Variants in BTBD9 observed in about 807,000 individuals in gnomAD.
BTBD9 encodes the protein BTB/POZ domain-containing protein 9.
In BTBD9, 49 loss-of-function variants were observed where a neutral mutation model predicts 64.3. That is an observed-to-expected ratio of 0.76 (90% CI 0.61 to 0.97). The LOEUF is 0.97. BTBD9 is among the 50% of genes least tolerant of loss of function. The pLI is 0.00. For synonymous variants in BTBD9, 260 were observed against 274.7 expected (o/e 0.95, Z 0.53); for missense variants, 598 against 762.1 (o/e 0.78, Z 2.53).
intron 4 of BTBD9, among the ~76,000 whole-genome samples, chr6:38,589,196 C>T (rs972858645): frequency 6.6e-6 from 1 of 152,118 alleles, no homozygotes; most frequent in African/African-American, 2.4e-5. Context: ...TGTGTCATTC[C>T]AGAACTGAGT....
chr6:38,443,038 C>G (rs569161791), intron 6 of BTBD9, among the ~76,000 whole-genome samples: 1 of 152,270 alleles, frequency 6.6e-6, no homozygotes, highest in Non-Finnish European at 1.5e-5. Flanking sequence ...TCAAGCTAGA[C>G]AGAATCATCT....
At chr6:38,235,501 G>C (rs1393384977) in intron 9 of BTBD9, among the ~76,000 whole-genome samples, 1 of 152,106 alleles carries the variant, frequency 6.6e-6, no homozygotes, top group Non-Finnish European at 1.5e-5. Context: ...ACTCCATCTG[G>C]CTCCCAGTAC....
At chr6:38,409,392 G>C (rs1767310046) in intron 6 of BTBD9, among the ~76,000 whole-genome samples, 1 of 152,180 alleles carries the variant, frequency 6.6e-6, no homozygotes, top group African/African-American at 2.4e-5. Flanking sequence ...TTTGAAATGG[G>C]AGAAAAGATG....
At chr6:38,603,224 T>C (rs1393689878) in intron 1 of BTBD9, among the ~76,000 whole-genome samples, 2 of 152,182 alleles carry the variant, frequency 1.3e-5, no homozygotes, top group East Asian at 3.8e-4. Flanking sequence ...CCATACACAA[T>C]TATTAGTTTT....
At chr6:38,636,630 T>G (rs1044953548) in intron 1 of BTBD9, among the ~76,000 whole-genome samples, 1 of 152,146 alleles carries the variant, frequency 6.6e-6, no homozygotes, top group Non-Finnish European at 1.5e-5. Context: ...TTGTCCAACA[T>G]TTCTCACCTA....
At chr6:38,557,944 A>G (rs1233191344) in intron 6 of BTBD9, among the ~76,000 whole-genome samples, 2 of 152,184 alleles carry the variant, frequency 1.3e-5, no homozygotes, top group Non-Finnish European at 2.9e-5. Flanking sequence ...TGAAATGAAG[A>G]TAATAAATAA....
intron 9 of BTBD9, among the ~76,000 whole-genome samples, chr6:38,202,629 T>C (rs983903211): frequency 6.6e-6 from 1 of 152,116 alleles, no homozygotes; most frequent in Non-Finnish European, 1.5e-5. Context: ...AGCCAACTGA[T>C]ACTCAACAAA....
intron 6 of BTBD9, among the ~76,000 whole-genome samples, chr6:38,488,475 G>GA (rs1429529648): frequency 6.6e-6 from 1 of 152,192 alleles, no homozygotes; most frequent in African/African-American, 2.4e-5. Flanking sequence ...CGTAAATGAA[G>GA]AAACACCCAG....
At chr6:38,239,249 G>A (rs1763905680) in intron 9 of BTBD9, among the ~76,000 whole-genome samples, 1 of 151,958 alleles carries the variant, frequency 6.6e-6, no homozygotes, top group Non-Finnish European at 1.5e-5. Flanking sequence ...AGACCATCCT[G>A]GCCAACATGG....
chr6:38,321,203 C>T (rs1316243347), intron 7 of BTBD9, among the ~76,000 whole-genome samples: 3 of 152,190 alleles, frequency 2.0e-5, no homozygotes, highest in Non-Finnish European at 4.4e-5. Context: ...CAAATCACAA[C>T]ATATGAAACG....
chr6:38,592,863 A>G (rs1162679631), intron 3 of BTBD9, 23 bp from the exon 4 acceptor site: 1 of 1,610,356 alleles, frequency 6.2e-7, no homozygotes, highest in Admixed American at 1.7e-5. Context: ...AAAAGGTAAA[A>G]TTCCAGTTAT....
intron 6 of BTBD9, among the ~76,000 whole-genome samples, chr6:38,577,176 TC>T (rs1776077890): frequency 6.6e-6 from 1 of 152,194 alleles, no homozygotes; most frequent in South Asian, 2.1e-4. Flanking sequence ...TTCAAAGATG[TC>T]CTCTGGCCCT....
intron 7 of BTBD9, among the ~76,000 whole-genome samples, chr6:38,302,260 C>T (rs1762431604): frequency 6.6e-6 from 1 of 151,882 alleles, no homozygotes; most frequent in Non-Finnish European, 1.5e-5. Flanking sequence ...ACCAGCTGAC[C>T]AGTTTCTCCT....
chr6:38,223,296 T>G (rs1375348502), intron 9 of BTBD9, among the ~76,000 whole-genome samples: 1 of 152,156 alleles, frequency 6.6e-6, no homozygotes, highest in East Asian at 1.9e-4. Context: ...TAATCACCCT[T>G]CTAAATATGG....
chr6:38,305,539 G>C (rs535425239), intron 7 of BTBD9, among the ~76,000 whole-genome samples: 11 of 152,186 alleles, frequency 7.2e-5, no homozygotes, highest in African/African-American at 2.4e-4. Flanking sequence ...CTGGAGTGCA[G>C]TGGCACGGTC....
chr6:38,397,729 T>A (rs983559139), intron 6 of BTBD9, among the ~76,000 whole-genome samples: 2 of 151,804 alleles, frequency 1.3e-5, no homozygotes, highest in Non-Finnish European at 2.9e-5. Context: ...ACAAACACAT[T>A]AAGAATATCA....
chr6:38,517,265 T>A (rs578110015), intron 6 of BTBD9, among the ~76,000 whole-genome samples: 2 of 152,308 alleles, frequency 1.3e-5, no homozygotes, highest in Admixed American at 1.3e-4. Flanking sequence ...GAGCTTTGGA[T>A]AACAAAAGCA....
At chr6:38,442,227 C>A (rs1029049872) in intron 6 of BTBD9, among the ~76,000 whole-genome samples, 1 of 152,134 alleles carries the variant, frequency 6.6e-6, no homozygotes, top group Admixed American at 6.5e-5. Flanking sequence ...GTGGCTCACA[C>A]CTGTAATCCC....
intron 6 of BTBD9, among the ~76,000 whole-genome samples, chr6:38,566,790 C>T (rs115635320): frequency 1.2e-3 from 184 of 152,302 alleles, no homozygotes; most frequent in African/African-American, 4.0e-3. Context: ...TATACATACA[C>T]ACACACATCC....
Sources: gnomAD v4.1 joint callset for allele counts (sites outside exome capture counted in the v4.1 genomes callset) on GRCh38, gnomAD v4.1.1 for gene constraint, MANE v1.5 for transcripts, NCBI Gene and HGNC (gene_info 2026-07-23, HGNC 2026-07-21) for gene names.